Variants in CA13 observed in about 807,000 individuals in gnomAD.
CA13 encodes carbonic anhydrase 13, also known as CA-XIII.
CA13 carries 21 observed loss-of-function variants against 31.5 expected under a neutral mutation model. The observed-to-expected ratio is 0.67, with a 90% confidence interval of 0.47 to 0.96. CA13 has a LOEUF of 0.96. Among genes scored for constraint, CA13 ranks in the 40% least tolerant of loss-of-function variants. CA13 has a pLI of 0.00. For missense variants in CA13, 315 were observed against 318.9 expected (o/e 0.99, Z 0.09); for synonymous variants, 117 against 111.4 (o/e 1.05, Z -0.32).
chr8:85,271,777 A>G (rs1156276827), intron 6 of CA13, among the ~76,000 whole-genome samples: 1 of 152,150 alleles, frequency 6.6e-6, no homozygotes, highest in Admixed American at 6.5e-5. Context: ...TACAATCAAG[A>G]TATAGTTCTC....
rs1807739684 is a variant in CA13 at position 85,283,651 on chromosome 8, G to GAA, written c.*2303_*2304dup. Reference sequence around the variant, plus strand: ...GTTTCTTTAGTTTGGAAAGACCTGTGAAGTATCCTAGTCAGGGAAAGAACC... The same window carrying GAA: ...GTTTCTTTAGTTTGGAAAGACCTGTGAAAAGTATCCTAGTCAGGGAAAGAACC... On this transcript the variant is annotated 3_prime_UTR_variant, in exon 7 of 7. Transcript: ENST00000321764. The GAA allele has an allele frequency of 6.6e-6, 1 of 152,606 alleles. No homozygotes were observed. The highest frequency in any genetic ancestry group is 2.4e-5 in the African/African-American group (1 of 41,428). The allele number at this position is 152,606 out of a possible 1,614,324, so 9.5% of individuals were successfully genotyped here. A position where few individuals can be genotyped will look rare whatever the true frequency, so the allele number is the denominator to read the frequency against.
chr8:85,278,634 G>T (rs562106724), intron 6 of CA13, among the ~76,000 whole-genome samples: 9 of 116,876 alleles, frequency 7.7e-5, no homozygotes, highest in Non-Finnish European at 1.2e-4. Flanking sequence ...GTTTGGGTAG[G>T]ATGGCAAATG....
chr8:85,258,998 C>A (rs908424142), intron 2 of CA13, among the ~76,000 whole-genome samples: 2 of 151,978 alleles, frequency 1.3e-5, no homozygotes, highest in African/African-American at 4.8e-5. Context: ...TGAGTGTAGG[C>A]CTTCTAACTG....
At chr8:85,274,817 G>A (rs904304820) in intron 6 of CA13, among the ~76,000 whole-genome samples, 1 of 152,184 alleles carries the variant, frequency 6.6e-6, no homozygotes, top group African/African-American at 2.4e-5. Context: ...ATTCGATGAT[G>A]TGTTGCAGAC....
intron 2 of CA13, among the ~76,000 whole-genome samples, chr8:85,251,791 T>A: frequency 6.6e-6 from 1 of 152,356 alleles, no homozygotes; most frequent in South Asian, 2.1e-4. Flanking sequence ...ACTAATGTTA[T>A]TTCTTCCATA....
chr8:85,273,498 C>T (rs549022209), intron 6 of CA13, among the ~76,000 whole-genome samples: 2 of 152,180 alleles, frequency 1.3e-5, no homozygotes, highest in African/African-American at 4.8e-5. Context: ...GGCCTGAAAG[C>T]TTAAGGGAAT....
chr8:85,265,857 A>G (rs1425603548), intron 3 of CA13, among the ~76,000 whole-genome samples: 1 of 152,234 alleles, frequency 6.6e-6, no homozygotes, highest in Admixed American at 6.5e-5. Context: ...ACATGATTAC[A>G]TGATTACTCA....
chr8:85,246,414 C>T (rs754447904), intron 1 of CA13: 8 of 455,862 alleles, frequency 1.8e-5, no homozygotes, highest in South Asian at 1.2e-4. Context: ...GTAAATATTC[C>T]CACAGCAATT....
At position 85,282,551 on chromosome 8, in the gene CA13, A is replaced by T. The variant is rs1359332831; in HGVS notation, c.*1202A>T. ...ATTTTGTGTGGGTCATTGTTCTGTC[A>T]ATTTGTGGAAAAAATTACTTCAGTC... On this transcript the variant is annotated 3_prime_UTR_variant, in exon 7 of 7. Coordinates refer to ENST00000321764, the MANE Select transcript of CA13 (RefSeq NM_198584.3). The T allele has an allele frequency of 3.3e-5, 5 of 152,226 alleles. No homozygotes were observed. The highest frequency in any genetic ancestry group is 1.2e-4 in the African/African-American group (5 of 41,462). 9.4% of individuals were successfully genotyped at this position (152,226 alleles called of 1,614,324 possible). A position where few individuals can be genotyped will look rare whatever the true frequency, so the allele number is the denominator to read the frequency against.
At chr8:85,248,853 T>C (rs1357172127) in intron 1 of CA13, among the ~76,000 whole-genome samples, 3 of 152,236 alleles carry the variant, frequency 2.0e-5, no homozygotes, top group African/African-American at 7.2e-5. Flanking sequence ...TTGTAACACA[T>C]GCATTGCGCA....
intron 3 of CA13, among the ~76,000 whole-genome samples, chr8:85,261,436 T>C (rs1391520471): frequency 3.3e-5 from 5 of 152,172 alleles, no homozygotes; most frequent in Non-Finnish European, 4.4e-5. Flanking sequence ...TTTATTTATT[T>C]TTTTTTTGAG....
intron 6 of CA13, among the ~76,000 whole-genome samples, chr8:85,276,064 G>T (rs1807599563): frequency 6.6e-6 from 1 of 152,190 alleles, no homozygotes; most frequent in African/African-American, 2.4e-5. Context: ...GGTGTGGAGG[G>T]AGAGGCGTGG....
chr8:85,272,467 G>C (rs1311315173), intron 6 of CA13, among the ~76,000 whole-genome samples: 1 of 152,034 alleles, frequency 6.6e-6, no homozygotes, highest in Non-Finnish European at 1.5e-5. Flanking sequence ...TGTTGGCTGG[G>C]CTGGTCTTGA....
At position 85,267,132 on chromosome 8, in the gene CA13, G is replaced by A. The variant is rs543240371; in HGVS notation, c.450+429G>A. ...TTTATTGTATTTCCTTTAATCTAAC[G>A]TTCACATGTGGTTAGACAATTATTG... On this transcript the variant is annotated intron_variant, in intron 4 of 6. Coordinates refer to ENST00000321764, the MANE Select transcript of CA13 (RefSeq NM_198584.3). 35 of 478,780 alleles carry A rather than the reference G, an allele frequency of 7.3e-5. No homozygotes were observed. In the East Asian group the frequency reaches 7.4e-4, roughly 10 times the overall value. 29.7% of individuals were successfully genotyped at this position (478,780 alleles called of 1,614,324 possible).
rs944510495 is a variant in CA13 at position 85,283,171 on chromosome 8, G to A, written c.*1822G>A. The A allele has an allele frequency of 2.0e-5, 3 of 152,148 alleles. No homozygotes were observed. Among genetic ancestry groups the A allele is most frequent in the Admixed American group, 6.5e-5 (1 of 15,272 alleles). 9.4% of individuals were successfully genotyped at this position (152,148 alleles called of 1,614,324 possible). On this transcript the variant is annotated 3_prime_UTR_variant, in exon 7 of 7. Transcript: ENST00000321764. Reference sequence around the variant, plus strand: ...ACTCCTGACCTCAAGTGATCTGCCTGCCTCGGCCTCTCAAATTGCTGGAAT... The same window carrying A: ...ACTCCTGACCTCAAGTGATCTGCCTACCTCGGCCTCTCAAATTGCTGGAAT...
intron 6 of CA13, among the ~76,000 whole-genome samples, chr8:85,270,267 G>T (rs1443817781): frequency 6.6e-6 from 1 of 152,084 alleles, no homozygotes; most frequent in Non-Finnish European, 1.5e-5. Flanking sequence ...TCCTCCTAAT[G>T]ATACCAGAGC....
In CA13 at chr8:85,254,060, C is replaced by A. The variant is rs10096442; in HGVS notation, c.235+3123C>A. Among the ~76,000 whole-genome samples, 442 of 152,116 alleles carry A rather than the reference C, an allele frequency of 2.9e-3. 1 individual carries two copies. Among genetic ancestry groups the A allele is most frequent in the African/African-American group, 0.01 (417 of 41,492 alleles). ...TTGGGAGGCCGAGGTGGGCAGATCACCTGAGGTCAAGATTTTGAGACCAGC... is the reference window on the plus strand; with the variant it reads ...TTGGGAGGCCGAGGTGGGCAGATCAACTGAGGTCAAGATTTTGAGACCAGC... On this transcript the variant is annotated intron_variant, in intron 2 of 6. Coordinates refer to ENST00000321764, the MANE Select transcript of CA13 (RefSeq NM_198584.3).
chr8:85,258,234 T>C (rs1279369593), intron 2 of CA13, among the ~76,000 whole-genome samples: 2 of 151,938 alleles, frequency 1.3e-5, no homozygotes, highest in African/African-American at 4.8e-5. Context: ...TCCCATATGC[T>C]TTAAACATGC....
At chr8:85,263,037 T>A (rs890871548) in intron 3 of CA13, among the ~76,000 whole-genome samples, 12 of 152,044 alleles carry the variant, frequency 7.9e-5, no homozygotes, top group Non-Finnish European at 1.8e-4. Context: ...AAAAGCTTCT[T>A]TGAGGTGATA....
Sources: gnomAD v4.1 joint callset for allele counts (sites outside exome capture counted in the v4.1 genomes callset) on GRCh38, gnomAD v4.1.1 for gene constraint, MANE v1.5 for transcripts, NCBI Gene and HGNC (gene_info 2026-07-23, HGNC 2026-07-21) for gene names.